SMARCA4: variants seen among roughly 807,000 people sequenced by gnomAD.
The protein encoded by SMARCA4 is SWI/SNF-related matrix-associated actin-dependent regulator of chromatin subfamily A member 4.
In SMARCA4, 31 loss-of-function variants were observed where a neutral mutation model predicts 193.9. The observed-to-expected ratio is 0.16, with a 90% CI of 0.12 to 0.22. SMARCA4 has a LOEUF of 0.22. Among genes scored for constraint, SMARCA4 ranks in the 10% least tolerant of loss-of-function variants. The pLI is 1.00. For missense variants in SMARCA4, 1,148 were observed against 2,296.0 expected, an observed-to-expected ratio of 0.50 and a Z score of 10.22; for synonymous variants, 942 against 933.1, an observed-to-expected ratio of 1.01 and a Z score of -0.17.
At chr19:10,965,081 C>A (rs2084110317) in intron 1 of SMARCA4, among the ~76,000 whole-genome samples, 1 of 152,202 alleles carries the variant, frequency 6.6e-6, no homozygotes, top group African/African-American at 2.4e-5. Context: ...TTCATGGTGC[C>A]TGTAGACAGA....
intron 32 of SMARCA4, among the ~76,000 whole-genome samples, chr19:11,059,515 G>A (rs915114362): frequency 1.3e-5 from 2 of 152,244 alleles, no homozygotes; most frequent in African/African-American, 2.4e-5. Flanking sequence ...AAACCAGTGT[G>A]CCTGACCTTT....
chr19:11,002,068 G>A (rs1954012803), intron 11 of SMARCA4, among the ~76,000 whole-genome samples: 1 of 152,182 alleles, frequency 6.6e-6, no homozygotes, highest in Non-Finnish European at 1.5e-5. Context: ...GGAGAAAGTG[G>A]AAACGTCTAA....
chr19:10,991,170 G>A lies in SMARCA4; in HGVS notation c.1266G>A (p.Val422=), dbSNP rs969090029. Residue 422 remains valine, a synonymous_variant, in exon 8 of 35, where the codon GTG becomes GTA. Coordinates refer to ENST00000344626, the MANE Select transcript of SMARCA4 (RefSeq NM_003072.5). ...TACAGCTGCGCCAGGAGGTGGTGGTGTGCATGCGGAGGGACACAGCGCTGG... is the reference window on the plus strand; with the variant it reads ...TACAGCTGCGCCAGGAGGTGGTGGTATGCATGCGGAGGGACACAGCGCTGG... ...FQRQLRQEVV[V]CMRRDTALET... is the part of the protein sequence containing the mutation. 2.5e-6 allele frequency: 4 copies of A among 1,613,698 alleles called. No homozygotes were observed. Among genetic ancestry groups the A allele is most frequent in the Non-Finnish European group, 3.4e-6 (4 of 1,180,022 alleles).
In SMARCA4 at chr19:11,019,868, C is replaced by G. The variant is rs1283456690; in HGVS notation, c.2616+167C>G. On this transcript the variant is annotated intron_variant, in intron 18 of 34. Coordinates refer to ENST00000344626, the MANE Select transcript of SMARCA4 (RefSeq NM_003072.5). The surrounding 1 kb of genome is among the most constrained non-coding windows in gnomAD (Gnocchi z 6.1). ...GGAAAGGCCTAGGTGGGGGCGACCT[C>G]AGGTTTACCTCCCTAACTGTCTCCA... 6.6e-6 allele frequency among the ~76,000 whole-genome samples: 1 copy of G among 152,214 alleles called. No individual in the cohort carries two copies. The highest frequency in any genetic ancestry group is 1.5e-5 in the Non-Finnish European group (1 of 68,034).
intron 29 of SMARCA4, among the ~76,000 whole-genome samples, chr19:11,038,935 A>G (rs1364462567): frequency 6.6e-6 from 1 of 152,230 alleles, no homozygotes; most frequent in Admixed American, 6.5e-5. Flanking sequence ...CAATAAAAAA[A>G]GGTGGTCAGA....
intron 11 of SMARCA4, among the ~76,000 whole-genome samples, chr19:10,999,365 T>C (rs972906038): frequency 6.6e-5 from 10 of 152,118 alleles, no homozygotes; most frequent in Non-Finnish European, 1.3e-4. Context: ...TTGTATATAT[T>C]AAAACTTGTG....
intron 29 of SMARCA4, chr19:11,039,343 G>GAC: frequency 1.7e-6 from 1 of 583,728 alleles, no homozygotes; most frequent in Non-Finnish European, 3.0e-6. Flanking sequence ...GACAGAATGA[G>GAC]ACCCTGTCTC....
chr19:10,991,263 T>C lies in SMARCA4; in HGVS notation c.1359T>C (p.Thr453=). The C allele has an allele frequency of 6.2e-7, 1 of 1,612,282 alleles. No homozygotes were observed. The change falls in exon 8 of 35, where the codon ACT becomes ACC. Residue 453 remains threonine (T), a synonymous_variant. Coordinates refer to ENST00000344626, the MANE Select transcript of SMARCA4 (RefSeq NM_003072.5). ...AGTCCCTGCGCGAGGCCCGCATCAC[T>C]GAGAAGCTGGAGAAGCAGCAGAAGA... ...KRQSLREARI[T]EKLEKQQKIE... is the part of the protein sequence containing the mutation.
At chr19:11,011,442 C>T (rs1221437232) in intron 15 of SMARCA4, among the ~76,000 whole-genome samples, 1 of 152,178 alleles carries the variant, frequency 6.6e-6, no homozygotes, top group African/African-American at 2.4e-5. Flanking sequence ...CCAAGCTGGT[C>T]TCAAACTCCT....
At chr19:11,007,810 A>T (rs2088378744) in intron 13 of SMARCA4, 92 bp from the exon 14 acceptor site, 1 of 1,362,682 alleles carries the variant, frequency 7.3e-7, no homozygotes, top group Non-Finnish European at 1.0e-6. Context: ...CTGTAAGAAG[A>T]TCACTTGCTT....
Position 10,984,219 on chromosome 19 carries a change from C to T in SMARCA4, c.68C>T (p.Ser23Phe), listed in dbSNP as rs1555750712. The change falls in exon 2 of 35, where the codon TCC becomes TTC. Residue 23 changes from serine (S) to phenylalanine (F), a missense_variant. Physicochemically the swap from Ser to Phe is radical, Grantham distance 155. Around this residue, in one of 17 missense-constraint regions of SMARCA4, gnomAD observed 201 missense variants for 248.3 expected, o/e 0.81. Coordinates refer to ENST00000344626, the MANE Select transcript of SMARCA4 (RefSeq NM_003072.5). This position sits in a 1 kb window ranked among gnomAD's most constrained non-coding sequence, Gnocchi z 4.3. ...GGTCCTTCCCCGGGCCCTGGCCCTT[C>T]CCCTGGAGCCATGCTGGGCCCTAGC... Reference protein sequence around the residue: ...RPGPSPGPGPSPGAMLGPSPG... With the variant: ...RPGPSPGPGPFPGAMLGPSPG... 6.2e-7 allele frequency: 1 copy of T among 1,612,512 alleles called. No homozygotes were observed. Among genetic ancestry groups the T allele is most frequent in the Non-Finnish European group, 8.5e-7 (1 of 1,179,142 alleles).
Position 10,987,026 on chromosome 19 carries a change from G to T in SMARCA4, c.859+23G>T, listed in dbSNP as rs750671767. ...AAGGTGAGCTCCCTCTTCTATGGTG[G>T]TGCACCCGTGCCCTTACTCCCCATC... is the stretch of plus-strand genomic sequence containing the variant. On this transcript the variant is annotated intron_variant, in intron 5 of 34. Coordinates refer to ENST00000344626, the MANE Select transcript of SMARCA4 (RefSeq NM_003072.5). The surrounding 1 kb of genome is among the most constrained non-coding windows in gnomAD (Gnocchi z 5.3). 1.3e-6 allele frequency: 2 copies of T among 1,540,334 alleles called. No individual in the cohort carries two copies. The highest frequency in any genetic ancestry group is 1.8e-6 in the Non-Finnish European group (2 of 1,124,566).
At chr19:11,059,988 G>A (rs1169071510) in intron 33 of SMARCA4, 57 bp from the exon 34 acceptor site, 8 of 1,609,656 alleles carry the variant, frequency 5.0e-6, no homozygotes, top group Admixed American at 3.4e-5. Context: ...GCCCCTTGCT[G>A]TGGGGGTGCT....
intron 6 of SMARCA4, 92 bp downstream of exon 6, chr19:10,988,016 A>T (rs183854708): frequency 1.8e-5 from 24 of 1,359,846 alleles, no homozygotes; most frequent in Non-Finnish European, 2.5e-5. Context: ...ACTCTAGCAA[A>T]CAGTGCCCTG....
At chr19:11,009,096 A>G (rs1486928081) in intron 14 of SMARCA4, among the ~76,000 whole-genome samples, 1 of 120,106 alleles carries the variant, frequency 8.3e-6, no homozygotes, top group Non-Finnish European at 1.6e-5. Flanking sequence ...ATCTTGGCTC[A>G]CTGCAACCTC....
In SMARCA4 at chr19:10,992,984, C is replaced by CTTTTTTTTTT. The variant is rs758452838; in HGVS notation, c.1419+1671_1419+1680dup. ...TTTTTAAATTTTTTCTAAAACTTTGCTTTTTTTTTTTTTTTTTTTGAGTCA... is the reference window on the plus strand; with the variant it reads ...TTTTTAAATTTTTTCTAAAACTTTGCTTTTTTTTTTTTTTTTTTTTTTTTTTTTTGAGTCA... On this transcript the variant is annotated intron_variant, in intron 8 of 34. Transcript: ENST00000344626. Among the ~76,000 whole-genome samples, 5 of 109,328 alleles carry CTTTTTTTTTT rather than the reference C, an allele frequency of 4.6e-5. 1 individual carries two copies. The highest frequency in any genetic ancestry group is 1.7e-4 in the African/African-American group (5 of 28,590). The allele number at this position is 109,328 out of a possible 152,430, so 71.7% of individuals were successfully genotyped here. A position where few individuals can be genotyped will look rare whatever the true frequency, so the allele number is the denominator to read the frequency against.
chr19:11,027,703 G>A lies in SMARCA4; in HGVS notation c.3216-81G>A, dbSNP rs368250975. ...CCCGGCGCCTGGCCTGGAGGCGGGC[G>A]ATGCACCTCCTGCCTTACCTGCCTG... On this transcript the variant is annotated intron_variant, in intron 23 of 34. Transcript: ENST00000344626. The A allele has an allele frequency of 2.7e-4, 405 of 1,508,240 alleles. 1 individual carries two copies. In the African/African-American group the frequency reaches 4.7e-3, roughly 17 times the overall value. The allele number at this position is 1,508,240 out of a possible 1,614,324, so 93.4% of individuals were successfully genotyped here. A position where few individuals can be genotyped will look rare whatever the true frequency, so the allele number is the denominator to read the frequency against.
chr19:11,030,770 C>A lies in SMARCA4; in HGVS notation c.3423C>A (p.Thr1141=), dbSNP rs894097474. 13 of 1,611,262 alleles carry A rather than the reference C, an allele frequency of 8.1e-6. No individual in the cohort carries two copies. Among genetic ancestry groups the A allele is most frequent in the Admixed American group, 5.0e-5 (3 of 59,730 alleles). ...KAEDRGMLLK[T]FNEPGSEYFI... is the part of the protein sequence containing the mutation. The stretch of plus-strand genomic sequence containing the variant: ...AGGACCGGGGCATGCTGCTGAAAAC[C>A]TTCAACGAGCCCGGCTCTGAGTACT... The change falls in exon 25 of 35, where the codon ACC becomes ACA. Residue 1141 remains threonine (T), a synonymous_variant. Coordinates refer to ENST00000344626, the MANE Select transcript of SMARCA4 (RefSeq NM_003072.5). The surrounding 1 kb of genome is among the most constrained non-coding windows in gnomAD (Gnocchi z 5.5).
At chr19:11,055,463 C>T (rs1335072758) in intron 30 of SMARCA4, among the ~76,000 whole-genome samples, 1 of 152,080 alleles carries the variant, frequency 6.6e-6, no homozygotes, top group Non-Finnish European at 1.5e-5. Flanking sequence ...TCTGGGGTTA[C>T]AGGCGTGAGC....
Sources: allele counts gnomAD v4.1 joint callset (sites outside exome capture counted in the v4.1 genomes callset), GRCh38; gene constraint gnomAD v4.1.1; regional missense constraint gnomAD v4.1.1; non-coding constraint Gnocchi (gnomAD v3.1); transcripts MANE v1.5; gene names NCBI Gene and HGNC (gene_info 2026-07-23, HGNC 2026-07-21).